The following VPS13A variants were observed in gnomAD, a reference collection of about 807,000 sequenced individuals.
VPS13A encodes intermembrane lipid transfer protein VPS13A.
VPS13A carries 264 observed loss-of-function variants against 390.9 expected under a neutral mutation model. The ratio of observed to expected loss-of-function variants is 0.68; its 90% CI spans 0.61 to 0.75. VPS13A has a LOEUF of 0.75. Among genes scored for constraint, VPS13A ranks in the 30% least tolerant of loss-of-function variants. The pLI, the probability that VPS13A is intolerant of heterozygous loss-of-function variation, is 0.00. For missense variants in VPS13A, 3,409 were observed against 3,733.9 expected (o/e 0.91, Z 2.27); for synonymous variants, 1,231 against 1,227.1 (o/e 1.00, Z -0.07).
rs1198850317 is a variant in VPS13A, at chr9:77,419,510, G to A, written c.*3504G>A. On this transcript the variant is annotated 3_prime_UTR_variant, in exon 72 of 72. Transcript: ENST00000360280. ...TGTGTGGAGCCTGACCTTAGATAAG[G>A]AGCAGCAGATCCACAACTCAGGAAG... The A allele has an allele frequency of 6.6e-6, 1 of 152,192 alleles. No homozygotes were observed. Among genetic ancestry groups the A allele is most frequent in the African/African-American group, 2.4e-5 (1 of 41,460 alleles). 9.4% of individuals were successfully genotyped at this position (152,192 alleles called of 1,614,324 possible). A position where few individuals can be genotyped will look rare whatever the true frequency, so the allele number is the denominator to read the frequency against.
intron 68 of VPS13A, chr9:77,384,632 T>C: frequency 6.9e-7 from 1 of 1,450,202 alleles, no homozygotes; most frequent in Non-Finnish European, 9.3e-7. Context: ...GTAGCAGTAG[T>C]GATGATGATG....
intron 59 of VPS13A, among the ~76,000 whole-genome samples, chr9:77,362,057 T>C (rs1057330522): frequency 2.3e-4 from 35 of 152,306 alleles, no homozygotes; most frequent in Non-Finnish European, 1.9e-4. Context: ...ATATTCTCGA[T>C]ACAGGTCTCT....
intron 13 of VPS13A, among the ~76,000 whole-genome samples, chr9:77,222,678 A>T (rs926441510): frequency 6.6e-6 from 1 of 152,088 alleles, no homozygotes; most frequent in Non-Finnish European, 1.5e-5. Context: ...AAACTGTTTC[A>T]TTATTATTAT....
At chr9:77,355,023 T>A (rs930368009) in intron 54 of VPS13A, among the ~76,000 whole-genome samples, 1 of 152,192 alleles carries the variant, frequency 6.6e-6, no homozygotes, top group African/African-American at 2.4e-5. Flanking sequence ...TCTACTGAAT[T>A]GTTTCAGTGT....
chr9:77,327,809 A>G (rs550836334), intron 45 of VPS13A, among the ~76,000 whole-genome samples: 1 of 152,242 alleles, frequency 6.6e-6, no homozygotes, highest in East Asian at 1.9e-4. Flanking sequence ...TATCCACCAT[A>G]TCTGCAGTGA....
chr9:77,392,970 A>G (rs975104238), intron 68 of VPS13A, among the ~76,000 whole-genome samples: 1 of 151,722 alleles, frequency 6.6e-6, no homozygotes, highest in Non-Finnish European at 1.5e-5. Context: ...ACATTGATTG[A>G]CTCTTCCTTT....
At chr9:77,330,641 G>A (rs771061450) in intron 45 of VPS13A, among the ~76,000 whole-genome samples, 23 of 152,142 alleles carry the variant, frequency 1.5e-4, no homozygotes, top group Non-Finnish European at 2.9e-4. Flanking sequence ...TGGAAAACTT[G>A]CAGTTAATGT....
At chr9:77,308,126 T>G in intron 35 of VPS13A, 28 bp downstream of exon 35, 1 of 1,611,878 alleles carries the variant, frequency 6.2e-7, no homozygotes, top group African/African-American at 1.3e-5. Flanking sequence ...AATTTCTTTC[T>G]GCTTTCCTCT....
intron 35 of VPS13A, among the ~76,000 whole-genome samples, chr9:77,313,379 A>G (rs1337791370): frequency 6.6e-6 from 1 of 152,204 alleles, no homozygotes; most frequent in African/African-American, 2.4e-5. Context: ...AATAGTTCAT[A>G]TAAGATACAT....
rs556784089 is a variant in VPS13A at position 77,260,015 on chromosome 9, G to A, written c.2289-71G>A. ...ATTTGATTCAGATAATTTGAGAACA[G>A]TCTTTTTAATTAGTGCACTTAAATC... On this transcript the variant is annotated intron_variant, in intron 22 of 71. Transcript: ENST00000360280. 1.1e-4 allele frequency: 112 copies of A among 1,010,982 alleles called. 1 individual carries two copies. In the Middle Eastern group the frequency reaches 1.3e-3, roughly 11 times the overall value. The allele number at this position is 1,010,982 out of a possible 1,614,324, so 62.6% of individuals were successfully genotyped here.
intron 42 of VPS13A, 140 bp downstream of exon 42, chr9:77,319,813 A>G (rs1219147449): frequency 9.9e-6 from 5 of 507,538 alleles, no homozygotes; most frequent in Admixed American, 6.9e-5. Context: ...ACTTCTGCAC[A>G]TGTATAGCCT....
intron 1 of VPS13A, among the ~76,000 whole-genome samples, chr9:77,199,679 T>G (rs1051368607): frequency 2.0e-5 from 3 of 152,208 alleles, no homozygotes; most frequent in African/African-American, 7.2e-5. Context: ...ATTTGTATAA[T>G]TCTGATTAAA....
chr9:77,274,426 C>CAA (rs889400152), intron 24 of VPS13A, among the ~76,000 whole-genome samples: 162 of 62,196 alleles, frequency 2.6e-3, no homozygotes, highest in African/African-American at 7.2e-3. Flanking sequence ...GAGTCCGAAT[C>CAA]AAAAAAAAAA....
chr9:77,408,093 G>A (rs117588155), intron 71 of VPS13A, among the ~76,000 whole-genome samples: 5,670 of 152,272 alleles, frequency 0.037, 143 homozygotes, highest in Non-Finnish European at 0.058. Flanking sequence ...ATAGAATCTT[G>A]CAGAAGGTCA....
rs1835334113 is a variant in VPS13A, at chr9:77,421,377, T to C, written c.*5371T>C. 1 of 152,236 alleles carries C rather than the reference T, an allele frequency of 6.6e-6. No individual in the cohort carries two copies. Among genetic ancestry groups the C allele is most frequent in the African/African-American group, 2.4e-5 (1 of 41,454 alleles). 9.4% of individuals were successfully genotyped at this position (152,236 alleles called of 1,614,324 possible). On this transcript the variant is annotated 3_prime_UTR_variant, in exon 72 of 72. Transcript: ENST00000360280. Reference sequence around the variant, plus strand: ...GTTCTTCCTTTTGAAACTAATCTTATTCTTTTATTCCTCTCTCTAAAAATT... The same window carrying C: ...GTTCTTCCTTTTGAAACTAATCTTACTCTTTTATTCCTCTCTCTAAAAATT...
At chr9:77,215,680 G>C (rs1346984721) in intron 10 of VPS13A, among the ~76,000 whole-genome samples, 2 of 152,196 alleles carry the variant, frequency 1.3e-5, no homozygotes, top group Non-Finnish European at 2.9e-5. Flanking sequence ...CCCTACCCTA[G>C]GGCTAAGACG....
At chr9:77,392,727 A>G (rs1024756599) in intron 68 of VPS13A, among the ~76,000 whole-genome samples, 1 of 149,430 alleles carries the variant, frequency 6.7e-6, no homozygotes, top group African/African-American at 2.5e-5. Context: ...TATATACACT[A>G]TATAAAACTA....
At chr9:77,193,094 A>G (rs998932288) in intron 1 of VPS13A, among the ~76,000 whole-genome samples, 1 of 152,140 alleles carries the variant, frequency 6.6e-6, no homozygotes, top group African/African-American at 2.4e-5. Flanking sequence ...CCAGTCTTCA[A>G]GTTCTTGAGA....
intron 45 of VPS13A, among the ~76,000 whole-genome samples, chr9:77,326,434 A>G (rs995957001): frequency 1.3e-5 from 2 of 151,786 alleles, no homozygotes; most frequent in Admixed American, 1.3e-4. Context: ...TGCTCTGTTC[A>G]TTTTTACTTT....
Sources: gnomAD v4.1 joint callset for allele counts (sites outside exome capture counted in the v4.1 genomes callset) on GRCh38, gnomAD v4.1.1 for gene constraint, MANE v1.5 for transcripts, NCBI Gene and HGNC (gene_info 2026-07-23, HGNC 2026-07-21) for gene names.